ULK4: variants seen among roughly 807,000 people sequenced by gnomAD.
ULK4 encodes the protein inactive serine/threonine-protein kinase ULK4.
A neutral mutation model predicts 160.6 loss-of-function variants in ULK4; 133 were observed. The ratio of observed to expected loss-of-function variants is 0.83; its 90% CI spans 0.72 to 0.96. The LOEUF (loss-of-function observed/expected upper bound fraction) is 0.96, where lower values mean the gene tolerates loss of function less well. ULK4 is among the 40% of genes least tolerant of loss of function. The probability of loss-of-function intolerance (pLI) is 0.00; values close to 1 mark genes in which losing one functional copy is unlikely to be tolerated. For synonymous variants in ULK4, 534 were observed against 539.8 expected (o/e 0.99, Z 0.15); for missense variants, 1,580 against 1,499.5 (o/e 1.05, Z -0.89).
chr3:41,899,592 T>C (rs999586331), intron 13 of ULK4, among the ~76,000 whole-genome samples: 36 of 152,180 alleles, frequency 2.4e-4, no homozygotes, highest in African/African-American at 7.0e-4. Context: ...TCTTAAAACA[T>C]TGTAAGATTT....
rs541909648 is a variant in ULK4 at position 41,458,052 on chromosome 3, C to T, written c.3394-2457G>A. ...AGAACGCCTCCAGGTTTCTGGTTTGCGTGGCAGGGTGAGTGGGGCAGGGCT... is the reference window on the plus strand; with the variant it reads ...AGAACGCCTCCAGGTTTCTGGTTTGTGTGGCAGGGTGAGTGGGGCAGGGCT... On this transcript the variant is annotated intron_variant, in intron 33 of 36. Coordinates refer to ENST00000301831, the MANE Select transcript of ULK4 (RefSeq NM_017886.4). 5.3e-5 allele frequency among the ~76,000 whole-genome samples: 8 copies of T among 152,154 alleles called. No homozygotes were observed. The East Asian group carries it at 7.7e-4, about 15-fold the overall frequency.
chr3:41,623,253 T>C (rs1055850326), intron 30 of ULK4, among the ~76,000 whole-genome samples: 1 of 152,160 alleles, frequency 6.6e-6, no homozygotes, highest in African/African-American at 2.4e-5. Context: ...AGGAGCTTAT[T>C]TGTCTATGAT....
chr3:41,861,039 T>C (rs1291904616), intron 17 of ULK4, among the ~76,000 whole-genome samples: 2 of 152,210 alleles, frequency 1.3e-5, no homozygotes, highest in Non-Finnish European at 2.9e-5. Flanking sequence ...AAAAACTCTA[T>C]GCCTTAATAT....
intron 31 of ULK4, among the ~76,000 whole-genome samples, chr3:41,615,160 G>C (rs2032901341): frequency 6.6e-6 from 1 of 152,144 alleles, no homozygotes; most frequent in African/African-American, 2.4e-5. Flanking sequence ...TTCTTTAACA[G>C]ATGGTTTTAA....
At chr3:41,633,580 G>T (rs760757485) in intron 30 of ULK4, among the ~76,000 whole-genome samples, 1 of 152,124 alleles carries the variant, frequency 6.6e-6, no homozygotes, top group Non-Finnish European at 1.5e-5. Flanking sequence ...GTCATTACCA[G>T]ATTTATATTT....
chr3:41,839,302 T>C (rs1232460776), intron 17 of ULK4, among the ~76,000 whole-genome samples: 1 of 151,892 alleles, frequency 6.6e-6, no homozygotes, highest in Admixed American at 6.6e-5. Context: ...ATCATGCCAC[T>C]GCACTCCAGC....
chr3:41,512,831 C>A (rs1485349488), intron 32 of ULK4, among the ~76,000 whole-genome samples: 6 of 152,020 alleles, frequency 3.9e-5, no homozygotes, highest in Non-Finnish European at 2.9e-5. Context: ...CAAGACTAAG[C>A]AAAAAGAACA....
intron 35 of ULK4, among the ~76,000 whole-genome samples, chr3:41,353,432 A>G (rs1057145443): frequency 2.6e-5 from 4 of 152,098 alleles, no homozygotes; most frequent in African/African-American, 9.7e-5. Flanking sequence ...CATTTTGGGA[A>G]GGGGAGAGGA....
intron 21 of ULK4, among the ~76,000 whole-genome samples, chr3:41,778,179 T>G (rs1236046440): frequency 1.8e-5 from 2 of 111,438 alleles, no homozygotes; most frequent in Admixed American, 1.7e-4. Flanking sequence ...AGCATTCTTA[T>G]ACACCAACAA....
chr3:41,646,647 T>A (rs1183956396), intron 30 of ULK4, among the ~76,000 whole-genome samples: 1 of 152,218 alleles, frequency 6.6e-6, no homozygotes, highest in East Asian at 1.9e-4. Flanking sequence ...ATTTCAACTA[T>A]GGTGAATCTG....
intron 20 of ULK4, among the ~76,000 whole-genome samples, chr3:41,793,965 T>C (rs2040221507): frequency 6.6e-6 from 1 of 152,168 alleles, no homozygotes; most frequent in Admixed American, 6.5e-5. Context: ...GGTTCTTAAA[T>C]ATCAGCAGGC....
At chr3:41,513,889 A>G (rs1472331275) in intron 32 of ULK4, among the ~76,000 whole-genome samples, 1 of 152,202 alleles carries the variant, frequency 6.6e-6, no homozygotes, top group Non-Finnish European at 1.5e-5. Flanking sequence ...TGGATGCATC[A>G]TAATCTCAAA....
At chr3:41,920,484 A>G (rs990352724) in intron 5 of ULK4, among the ~76,000 whole-genome samples, 1 of 152,184 alleles carries the variant, frequency 6.6e-6, no homozygotes, top group African/African-American at 2.4e-5. Context: ...CATATTTTAG[A>G]GCCAGAAAGT....
intron 22 of ULK4, among the ~76,000 whole-genome samples, chr3:41,731,671 TG>T (rs1247936808): frequency 2.2e-5 from 3 of 137,996 alleles, no homozygotes; most frequent in African/African-American, 3.2e-5. Context: ...AAATCAATTT[TG>T]GGGGAAAAAA....
intron 20 of ULK4, 131 bp from the exon 21 acceptor site, chr3:41,789,974 C>G: frequency 3.7e-6 from 3 of 815,592 alleles, no homozygotes; most frequent in Non-Finnish European, 5.1e-6. Context: ...TATTTTGGCA[C>G]AAGAAAGTTG....
intron 32 of ULK4, among the ~76,000 whole-genome samples, chr3:41,536,385 G>A (rs898158584): frequency 6.6e-5 from 10 of 151,926 alleles, no homozygotes; most frequent in African/African-American, 2.4e-4. Context: ...TTCTTAAAAC[G>A]CAATACAGTA....
At chr3:41,296,996 A>G (rs781162458) in intron 35 of ULK4, among the ~76,000 whole-genome samples, 4 of 152,154 alleles carry the variant, frequency 2.6e-5, no homozygotes, top group Non-Finnish European at 4.4e-5. Flanking sequence ...CTCATCCCAC[A>G]TGTTTTCCTG....
chr3:41,557,107 T>C (rs543361721), intron 32 of ULK4, among the ~76,000 whole-genome samples: 2 of 152,256 alleles, frequency 1.3e-5, no homozygotes, highest in African/African-American at 2.4e-5. Flanking sequence ...ATTATATAAA[T>C]AGATTCAAGG....
chr3:41,848,207 A>T (rs1222897460), intron 17 of ULK4, among the ~76,000 whole-genome samples: 1 of 152,214 alleles, frequency 6.6e-6, no homozygotes, highest in Non-Finnish European at 1.5e-5. Flanking sequence ...TAACTGGTAG[A>T]TTCCTTCTCT....
Sources: gnomAD v4.1 joint callset for allele counts (sites outside exome capture counted in the v4.1 genomes callset) on GRCh38, gnomAD v4.1.1 for gene constraint, MANE v1.5 for transcripts, NCBI Gene and HGNC (gene_info 2026-07-23, HGNC 2026-07-21) for gene names.